The following AFG1L variants were observed in gnomAD, a reference collection of about 807,000 sequenced individuals.
AFG1L encodes AFG1 like ATPase, also known as AFG1-like ATPase.
A neutral mutation model predicts 62.2 loss-of-function variants in AFG1L; 53 were observed. The observed-to-expected ratio is 0.85, with a 90% CI of 0.68 to 1.07. The LOEUF (loss-of-function observed/expected upper bound fraction) is 1.07. Among genes scored for constraint, AFG1L ranks in the 50% least tolerant of loss-of-function variants. The pLI, the probability that AFG1L is intolerant of heterozygous loss-of-function variation, is 0.00. For synonymous variants in AFG1L, 228 were observed against 210.3 expected (o/e 1.08, Z -0.73); for missense variants, 555 against 590.5 (o/e 0.94, Z 0.62).
chr6:108,359,655 G>A (rs1582434581), intron 5 of AFG1L: 1 of 152,324 alleles, frequency 6.6e-6, no homozygotes, highest in East Asian at 1.9e-4. Flanking sequence ...CTCCTCAGCA[G>A]CCTTGGACTT....
Position 108,524,545 on chromosome 6 carries a change from T to C in AFG1L, c.*2120T>C, listed in dbSNP as rs1466117021. ...TTCTCAGTGTAGCTTCCCTATAATG[T>C]CATTTTGGTACGAAAGAACTTAAAC... On this transcript the variant is annotated 3_prime_UTR_variant, in exon 13 of 13. Transcript: ENST00000368977. 2 of 152,196 alleles carry C rather than the reference T, an allele frequency of 1.3e-5. No individual in the cohort carries two copies. The highest frequency in any genetic ancestry group is 4.8e-5 in the African/African-American group (2 of 41,450). The allele number at this position is 152,196 out of a possible 1,614,324, so 9.4% of individuals were successfully genotyped here. A position where few individuals can be genotyped will look rare whatever the true frequency, so the allele number is the denominator to read the frequency against.
intron 8 of AFG1L, among the ~76,000 whole-genome samples, chr6:108,454,441 T>C (rs1012328582): frequency 6.6e-6 from 1 of 152,180 alleles, no homozygotes; most frequent in Admixed American, 6.5e-5. Flanking sequence ...TCCCATTAGA[T>C]CACCTTTGTC....
chr6:108,458,349 C>T (rs1329695061), intron 8 of AFG1L, among the ~76,000 whole-genome samples: 1 of 151,880 alleles, frequency 6.6e-6, no homozygotes, highest in African/African-American at 2.4e-5. Context: ...TTTTTTTCTT[C>T]CTGTGTTTGT....
chr6:108,389,537 A>G (rs1387019127), intron 6 of AFG1L, among the ~76,000 whole-genome samples: 3 of 152,080 alleles, frequency 2.0e-5, no homozygotes, highest in Admixed American at 6.6e-5. Flanking sequence ...TTCCATGTTT[A>G]GTGCTTCCTT....
chr6:108,347,131 T>C, intron 3 of AFG1L, 92 bp downstream of exon 3: 1 of 1,110,028 alleles, frequency 9.0e-7, no homozygotes, highest in Non-Finnish European at 1.4e-6. Flanking sequence ...CCTCAATCTG[T>C]TACCAGCAAG....
chr6:108,383,081 T>C (rs959093271), intron 6 of AFG1L, among the ~76,000 whole-genome samples: 2 of 152,054 alleles, frequency 1.3e-5, no homozygotes, highest in African/African-American at 2.4e-5. Flanking sequence ...CCACTAAAAA[T>C]ACAAAAAAAT....
intron 3 of AFG1L, among the ~76,000 whole-genome samples, chr6:108,349,913 T>C (rs1779015102): frequency 1.3e-5 from 2 of 151,442 alleles, no homozygotes; most frequent in African/African-American, 4.9e-5. Context: ...TGAGGCCCTA[T>C]CTTAAAAATA....
At chr6:108,346,849 T>C (rs1392014429) in intron 2 of AFG1L, 139 bp from the exon 3 acceptor site, 1 of 636,232 alleles carries the variant, frequency 1.6e-6, no homozygotes, top group Non-Finnish European at 2.7e-6. Context: ...TTAAACACTT[T>C]TATATCAAGT....
intron 7 of AFG1L, among the ~76,000 whole-genome samples, chr6:108,437,102 A>G (rs914211531): frequency 6.6e-6 from 1 of 152,136 alleles, no homozygotes; most frequent in Admixed American, 6.5e-5. Flanking sequence ...TTCATGAGGG[A>G]TCTGCCCTCA....
At chr6:108,360,898 A>G (rs1378866792) in intron 5 of AFG1L, among the ~76,000 whole-genome samples, 3 of 152,176 alleles carry the variant, frequency 2.0e-5, no homozygotes, top group Non-Finnish European at 4.4e-5. Flanking sequence ...CATCCACACA[A>G]TGTATAATGA....
chr6:108,458,593 C>T (rs1331949508), intron 8 of AFG1L, among the ~76,000 whole-genome samples: 1 of 152,118 alleles, frequency 6.6e-6, no homozygotes, highest in Non-Finnish European at 1.5e-5. Context: ...GGACTATAGA[C>T]ACACACCACC....
intron 1 of AFG1L, 123 bp downstream of exon 1, chr6:108,295,341 G>T: frequency 1.8e-6 from 2 of 1,116,932 alleles, no homozygotes; most frequent in South Asian, 1.5e-5. Context: ...AGGGCTCCTC[G>T]AGAGGAGTTT....
intron 12 of AFG1L, 46 bp from the exon 13 acceptor site, chr6:108,522,251 T>C: frequency 6.3e-7 from 1 of 1,591,880 alleles, no homozygotes. Flanking sequence ...TTCTGTAAAT[T>C]TTCATTTGTG....
At position 108,398,154 on chromosome 6, in the gene AFG1L, G is replaced by A. The variant is rs948278760; in HGVS notation, c.749-3842G>A. ...CTGTTTAAAAGCCATTTTAACTGGG[G>A]TGAGATGATACTTCATTGTAGTTTT... On this transcript the variant is annotated intron_variant, in intron 6 of 12. Transcript: ENST00000368977. Among the ~76,000 whole-genome samples the A allele has an allele frequency of 4.6e-5, 7 of 152,288 alleles. No homozygotes were observed. The South Asian group carries it at 6.2e-4, about 14-fold the overall frequency.
intron 6 of AFG1L, among the ~76,000 whole-genome samples, chr6:108,398,714 C>T (rs1181928099): frequency 3.0e-4 from 45 of 151,910 alleles, no homozygotes; most frequent in Non-Finnish European, 1.5e-5. Context: ...TGGTCTTTTC[C>T]CCAGTGTGTA....
intron 2 of AFG1L, among the ~76,000 whole-genome samples, chr6:108,330,182 A>ATTT (rs71015542): frequency 3.6e-4 from 48 of 132,506 alleles, no homozygotes; most frequent in Non-Finnish European, 5.6e-4. Flanking sequence ...TTCCTTTTTT[A>ATTT]TTTTTTTTTT....
intron 2 of AFG1L, among the ~76,000 whole-genome samples, chr6:108,335,277 CT>C (rs1778435690): frequency 6.6e-6 from 1 of 152,080 alleles, no homozygotes; most frequent in African/African-American, 2.4e-5. Flanking sequence ...GCTGGTTTTT[CT>C]TTTCTTGGTC....
chr6:108,308,832 A>G (rs1340910653), intron 1 of AFG1L, among the ~76,000 whole-genome samples: 2 of 151,958 alleles, frequency 1.3e-5, no homozygotes, highest in Non-Finnish European at 2.9e-5. Context: ...CAGCTTCCTG[A>G]GTAGCTGGGA....
intron 5 of AFG1L, among the ~76,000 whole-genome samples, chr6:108,361,790 C>T (rs1779540564): frequency 6.6e-6 from 1 of 152,170 alleles, no homozygotes; most frequent in African/African-American, 2.4e-5. Context: ...CATCTTAACA[C>T]CCTATTTGAA....
Sources: allele counts gnomAD v4.1 joint callset (sites outside exome capture counted in the v4.1 genomes callset), GRCh38; gene constraint gnomAD v4.1.1; transcripts MANE v1.5; gene names NCBI Gene and HGNC (gene_info 2026-07-23, HGNC 2026-07-21).